The following SHQ1 variants were observed in gnomAD, a reference collection of about 807,000 sequenced individuals.
The protein encoded by SHQ1 is protein SHQ1 homolog.
In SHQ1, 49 loss-of-function variants were observed where a neutral mutation model predicts 53.8. That is an observed-to-expected ratio of 0.91 (90% CI 0.72 to 1.16). SHQ1 has a LOEUF of 1.16. SHQ1 is among the 50% of genes most tolerant of loss of function. The probability of loss-of-function intolerance (pLI) is 0.00; values close to 1 mark genes in which losing one functional copy is unlikely to be tolerated. For missense variants in SHQ1, 738 were observed against 683.1 expected (o/e 1.08, Z -0.90); for synonymous variants, 243 against 251.0 (o/e 0.97, Z 0.30).
downstream of SHQ1, among the ~76,000 whole-genome samples, chr3:72,745,081 A>G (rs1351667346): frequency 1.3e-5 from 2 of 151,996 alleles, no homozygotes; most frequent in Non-Finnish European, 2.9e-5. Context: ...ATATAAGTCA[A>G]TTTCCAGTTA....
At chr3:72,804,782 G>A (rs987726440) in intron 9 of SHQ1, among the ~76,000 whole-genome samples, 3 of 152,182 alleles carry the variant, frequency 2.0e-5, no homozygotes, top group Non-Finnish European at 2.9e-5. Flanking sequence ...TTGAGCCCAA[G>A]AGTTTGAAGT....
chr3:72,806,362 C>A (rs1226707172), intron 9 of SHQ1, among the ~76,000 whole-genome samples: 1 of 152,138 alleles, frequency 6.6e-6, no homozygotes, highest in African/African-American at 2.4e-5. Flanking sequence ...ACTTCAGTAT[C>A]TGACTTTAAT....
chr3:72,772,789 G>A (rs770013521), intron 10 of SHQ1: 22 of 762,434 alleles, frequency 2.9e-5, no homozygotes, highest in Admixed American at 5.3e-5. Context: ...TGATGATCTT[G>A]ATGGAGTGCC....
intron 6 of SHQ1, among the ~76,000 whole-genome samples, chr3:72,819,604 G>A (rs1157936901): frequency 1.3e-5 from 2 of 152,120 alleles, no homozygotes; most frequent in African/African-American, 4.8e-5. Flanking sequence ...ATATTGAGTA[G>A]GCTGAGGAAT....
intron 9 of SHQ1, among the ~76,000 whole-genome samples, chr3:72,800,196 A>G (rs1358882150): frequency 6.6e-6 from 1 of 152,176 alleles, no homozygotes; most frequent in Non-Finnish European, 1.5e-5. Context: ...GTTCTGATAC[A>G]GCAAGAAGGC....
intron 5 of SHQ1, 120 bp from the exon 6 acceptor site, chr3:72,824,671 A>C: frequency 8.6e-7 from 1 of 1,159,318 alleles, no homozygotes. Context: ...GTACATTTCA[A>C]GGAAAGACTG....
At chr3:72,773,331 A>C in intron 10 of SHQ1, 1 of 591,368 alleles carries the variant, frequency 1.7e-6, no homozygotes, top group Non-Finnish European at 3.3e-6. Context: ...AGAAGGAAAA[A>C]AATGAGTATA....
At chr3:72,807,857 GC>G (rs1707001308) in intron 9 of SHQ1, among the ~76,000 whole-genome samples, 1 of 152,102 alleles carries the variant, frequency 6.6e-6, no homozygotes, top group African/African-American at 2.4e-5. Flanking sequence ...TGTTTATTGA[GC>G]CCAATTAATA....
chr3:72,792,783 T>G, intron 10 of SHQ1, 133 bp downstream of exon 10: 1 of 500,080 alleles, frequency 2.0e-6, no homozygotes, highest in Non-Finnish European at 3.0e-6. Context: ...AACCTCCATC[T>G]CAAAAAAAAA....
the SHQ1 span, among the ~76,000 whole-genome samples, chr3:72,743,267 AC>A: frequency 7.9e-5 from 12 of 152,156 alleles, no homozygotes; most frequent in Non-Finnish European, 1.6e-4. Flanking sequence ...TTCCAGAAGG[AC>A]CTGGCCCTGA....
At chr3:72,796,735 G>A (rs922696950) in intron 9 of SHQ1, among the ~76,000 whole-genome samples, 11 of 151,626 alleles carry the variant, frequency 7.3e-5, no homozygotes, top group South Asian at 4.2e-4. Flanking sequence ...CAGGAGAATC[G>A]CTTGAACCCA....
chr3:72,755,291 G>C (rs141488929), intron 10 of SHQ1, among the ~76,000 whole-genome samples: 1,681 of 151,518 alleles, frequency 0.011, 15 homozygotes, highest in Non-Finnish European at 0.018. Context: ...TGGATGGATG[G>C]ATGGATGGAT....
At chr3:72,783,133 T>C (rs927601364) in intron 10 of SHQ1, among the ~76,000 whole-genome samples, 1 of 152,166 alleles carries the variant, frequency 6.6e-6, no homozygotes, top group Non-Finnish European at 1.5e-5. Flanking sequence ...CAGCCAAGTA[T>C]CAGGGACTAA....
intron 10 of SHQ1, among the ~76,000 whole-genome samples, chr3:72,766,543 C>T (rs1705734603): frequency 6.6e-6 from 1 of 152,066 alleles, no homozygotes; most frequent in Middle Eastern, 3.2e-3. Flanking sequence ...AAATTCTGTC[C>T]AAGTCAGAAT....
chr3:72,728,490 C>G, the SHQ1 span, among the ~76,000 whole-genome samples: 1 of 152,182 alleles, frequency 6.6e-6, no homozygotes, highest in Non-Finnish European at 1.5e-5. Context: ...AACAGTTAAT[C>G]TGAAAGGAGC....
chr3:72,757,380 C>CT (rs1352000647), intron 10 of SHQ1, among the ~76,000 whole-genome samples: 18 of 142,544 alleles, frequency 1.3e-4, no homozygotes, highest in Non-Finnish European at 1.9e-4. Context: ...TCTTCTCTTT[C>CT]CTTTTTTTTT....
rs757871766 is a variant in SHQ1 at position 72,844,356 on chromosome 3, T to C, written c.208+3A>G. On this transcript the variant is annotated splice_donor_region_variant and intron_variant, in intron 2 of 10. Transcript: ENST00000325599. ...AAACTAACAAAAATTCCAAAGACAA[T>C]ACCTTTATCTGCATCATAGGACCCT... is the stretch of plus-strand genomic sequence containing the variant. 3.1e-6 allele frequency: 5 copies of C among 1,611,990 alleles called. No homozygotes were observed. In the Admixed American group the frequency reaches 8.3e-5, roughly 27 times the overall value.
Position 72,838,998 on chromosome 3 carries a change from C to G in SHQ1, c.486+2047G>C, listed in dbSNP as rs1192914624. On this transcript the variant is annotated intron_variant, in intron 4 of 10. Coordinates refer to ENST00000325599, the MANE Select transcript of SHQ1 (RefSeq NM_018130.3). ...TTATTAAGTGAACATTTTCAAGATA[C>G]AAGAATTTCTGACCTAAAAGGCACT... 4.7e-5 allele frequency among the ~76,000 whole-genome samples: 7 copies of G among 149,890 alleles called. No individual in the cohort carries two copies. The East Asian group carries it at 1.2e-3, about 25-fold the overall frequency.
At chr3:72,737,417 G>A in the SHQ1 span, among the ~76,000 whole-genome samples, 1 of 152,076 alleles carries the variant, frequency 6.6e-6, no homozygotes, top group Non-Finnish European at 1.5e-5. Context: ...AATTTGGAAG[G>A]GGAAAGATGC....
Sources: gnomAD v4.1 joint callset for allele counts (sites outside exome capture counted in the v4.1 genomes callset) on GRCh38, gnomAD v4.1.1 for gene constraint, MANE v1.5 for transcripts, NCBI Gene and HGNC (gene_info 2026-07-23, HGNC 2026-07-21) for gene names.